The following BLTP1 variants were observed in gnomAD, a reference collection of about 807,000 sequenced individuals.
BLTP1 encodes the protein fragile site-associated protein.
chr4:122,316,747 C>A, the BLTP1 span: 1 of 1,610,308 alleles, frequency 6.2e-7, no homozygotes, highest in South Asian at 1.1e-5. Context: ...CACAGATTAT[C>A]GAAGACAGGC....
the BLTP1 span, among the ~76,000 whole-genome samples, chr4:122,317,107 G>A: frequency 6.6e-6 from 1 of 152,112 alleles, no homozygotes; most frequent in African/African-American, 2.4e-5. Context: ...CGAGGCAGGT[G>A]GGTCACCTGA....
chr4:122,216,077 C>T, the BLTP1 span, among the ~76,000 whole-genome samples: 1 of 143,428 alleles, frequency 7.0e-6, no homozygotes, highest in Non-Finnish European at 1.5e-5. Context: ...GTGTATCTAT[C>T]TTTGTCTGTC....
At chr4:122,217,581 G>C in the BLTP1 span, among the ~76,000 whole-genome samples, 11 of 152,190 alleles carry the variant, frequency 7.2e-5, no homozygotes, top group Non-Finnish European at 1.0e-4. Flanking sequence ...TGATCATGGT[G>C]AATTATCTTT....
chr4:122,362,331 A>ATAAC, the BLTP1 span: 14 of 1,030,826 alleles, frequency 1.4e-5, no homozygotes, highest in Admixed American at 1.9e-4. Flanking sequence ...AATTTGAAAT[A>ATAAC]TAACTTTAAA....
chr4:122,308,795 A>G, the BLTP1 span, among the ~76,000 whole-genome samples: 3 of 152,144 alleles, frequency 2.0e-5, no homozygotes, highest in South Asian at 2.1e-4. Flanking sequence ...TACTGTTACA[A>G]TTTACCTTAA....
the BLTP1 span, chr4:122,349,216 C>G: frequency 6.2e-7 from 1 of 1,612,952 alleles, no homozygotes; most frequent in Non-Finnish European, 8.5e-7. The surrounding 1 kb of genome is among the most constrained non-coding windows in gnomAD (Gnocchi z 4.5). Context: ...TAATCGTGAT[C>G]GAGAGATCAG....
the BLTP1 span, chr4:122,202,404 A>T: frequency 6.3e-6 from 1 of 157,718 alleles, no homozygotes; most frequent in African/African-American, 2.4e-5. Flanking sequence ...TCAGGGATCA[A>T]TATTATTATT....
chr4:122,333,803 T>A, the BLTP1 span: 1 of 1,608,076 alleles, frequency 6.2e-7, no homozygotes, highest in Non-Finnish European at 8.5e-7. Context: ...CCGGAGTTGA[T>A]GTAAAGGTAA....
chr4:122,279,759 C>A, the BLTP1 span: 4 of 1,607,386 alleles, frequency 2.5e-6, no homozygotes, highest in African/African-American at 5.4e-5. Context: ...TAATAGTCTT[C>A]TTTCTCTATT....
the BLTP1 span, chr4:122,359,190 A>C: frequency 3.3e-6 from 1 of 301,602 alleles, no homozygotes; most frequent in Non-Finnish European, 4.9e-6. Context: ...ATACATATGT[A>C]ACTAACCTGC....
chr4:122,162,190 C>A, the BLTP1 span, among the ~76,000 whole-genome samples: 1 of 152,140 alleles, frequency 6.6e-6, no homozygotes, highest in Non-Finnish European at 1.5e-5. Flanking sequence ...TAAGCAAAAA[C>A]ACATAGAAAA....
At chr4:122,172,289 A>G in the BLTP1 span, 2 of 707,038 alleles carry the variant, frequency 2.8e-6, no homozygotes, top group Non-Finnish European at 3.5e-6. Context: ...TAACTTTCTC[A>G]TAATTTAGAA....
chr4:122,238,001 A>AAT, the BLTP1 span: 1 of 1,348,158 alleles, frequency 7.4e-7, no homozygotes, highest in Non-Finnish European at 9.9e-7. Flanking sequence ...AAAAAAAAAA[A>AAT]TTATACTTAA....
the BLTP1 span, chr4:122,211,095 G>T: frequency 1.2e-6 from 2 of 1,607,306 alleles, no homozygotes; most frequent in African/African-American, 2.7e-5. Flanking sequence ...TGTGTATAAA[G>T]GTATGATTCT....
the BLTP1 span, chr4:122,201,214 G>T: frequency 2.1e-6 from 2 of 945,286 alleles, no homozygotes; most frequent in African/African-American, 1.7e-5. Flanking sequence ...ATTACATAGG[G>T]ATATGATATG....
chr4:122,168,864 G>A, the BLTP1 span, among the ~76,000 whole-genome samples: 52 of 152,220 alleles, frequency 3.4e-4, no homozygotes, highest in Non-Finnish European at 5.4e-4. Flanking sequence ...ATTTGCCTCT[G>A]TAAATTATAA....
chr4:122,185,682 A>G, the BLTP1 span, among the ~76,000 whole-genome samples: 1 of 152,114 alleles, frequency 6.6e-6, no homozygotes, highest in Non-Finnish European at 1.5e-5. Flanking sequence ...TAAACATTTT[A>G]CTGCATATAT....
chr4:122,355,533 TGATATA>T, the BLTP1 span, among the ~76,000 whole-genome samples: 1 of 149,240 alleles, frequency 6.7e-6, no homozygotes, highest in Non-Finnish European at 1.5e-5. Flanking sequence ...AGTGAGCTAC[TGATATA>T]GATATACTAC....
the BLTP1 span, chr4:122,207,116 T>A: frequency 6.3e-7 from 1 of 1,596,882 alleles, no homozygotes; most frequent in Non-Finnish European, 8.5e-7. Flanking sequence ...TTAGATTTAA[T>A]TCAAGACTGG....
Sources: allele counts gnomAD v4.1 joint callset (sites outside exome capture counted in the v4.1 genomes callset), GRCh38; gene constraint gnomAD v4.1.1; non-coding constraint Gnocchi (gnomAD v3.1); transcripts MANE v1.5; gene names NCBI Gene and HGNC (gene_info 2026-07-23, HGNC 2026-07-21).